The following ARHGEF7 variants were observed in gnomAD, a reference collection of about 807,000 sequenced individuals.
ARHGEF7 encodes the protein Rho guanine nucleotide exchange factor 7.
ARHGEF7 carries 33 observed loss-of-function variants against 109.8 expected under a neutral mutation model. That is an observed-to-expected ratio of 0.30 (90% confidence interval 0.23 to 0.40). The LOEUF (loss-of-function observed/expected upper bound fraction) is 0.40, where lower values mean the gene tolerates loss of function less well. Among genes scored for constraint, ARHGEF7 ranks in the 10% least tolerant of loss-of-function variants. The pLI is 1.00. For synonymous variants in ARHGEF7, 458 were observed against 424.6 expected, an observed-to-expected ratio of 1.08 and a Z score of -0.97; for missense variants, 938 against 1,098.5, an observed-to-expected ratio of 0.85 and a Z score of 2.07.
chr13:111,136,381 T>G (rs2075089611), intron 1 of ARHGEF7, among the ~76,000 whole-genome samples: 1 of 152,128 alleles, frequency 6.6e-6, no homozygotes, highest in Admixed American at 6.5e-5. Context: ...GAACAGAAAT[T>G]ATAACAAACT....
intron 19 of ARHGEF7, among the ~76,000 whole-genome samples, chr13:111,298,921 C>T (rs2093489662): frequency 6.6e-6 from 1 of 152,250 alleles, no homozygotes; most frequent in Non-Finnish European, 1.5e-5. Context: ...TTAAGTGCTA[C>T]ATTTGATCCT....
At chr13:111,241,573 G>A (rs2153541217) in intron 6 of ARHGEF7, among the ~76,000 whole-genome samples, 1 of 152,336 alleles carries the variant, frequency 6.6e-6, no homozygotes, top group South Asian at 2.1e-4. Context: ...TTTAACAAAT[G>A]TAGCTTTTTG....
At chr13:111,267,798 A>G (rs909010960) in intron 9 of ARHGEF7, 128 bp downstream of exon 9, 65 of 1,173,956 alleles carry the variant, frequency 5.5e-5, no homozygotes, top group Non-Finnish European at 7.3e-5. Context: ...TTACCCCTCA[A>G]AATTAGTGCT....
At position 111,221,466 on chromosome 13, in the gene ARHGEF7, C is replaced by T. The variant is rs181054197; in HGVS notation, c.670+3586C>T. ...ATATCTATATATATAGATATATAGA[C>T]ATCTATATATATAGATATATATAGA... On this transcript the variant is annotated intron_variant, in intron 5 of 21. Transcript: ENST00000646102. Among the ~76,000 whole-genome samples, 49 of 43,830 alleles carry T rather than the reference C, an allele frequency of 1.1e-3. 2 individuals are homozygous for T. Among genetic ancestry groups the T allele is most frequent in the East Asian group, 3.6e-3 (8 of 2,194 alleles). 28.8% of individuals were successfully genotyped at this position (43,830 alleles called of 152,430 possible).
In ARHGEF7 at chr13:111,165,067, G is replaced by A. The variant is rs565490309; in HGVS notation, c.252+11076G>A. Among the ~76,000 whole-genome samples the A allele has an allele frequency of 5.3e-5, 8 of 152,236 alleles. No homozygotes were observed. In the South Asian group the frequency reaches 1.5e-3, roughly 28 times the overall value. The stretch of plus-strand genomic sequence containing the variant: ...AGTCAGCTTGAACTTACCAATCAGA[G>A]AACATGTAGGGGTTGAGTGGAGGGG... On this transcript the variant is annotated intron_variant, in intron 2 of 21. Transcript: ENST00000646102.
At chr13:111,275,999 T>C (rs1422041399) in intron 12 of ARHGEF7, 1 of 305,350 alleles carries the variant, frequency 3.3e-6, no homozygotes, top group African/African-American at 2.1e-5. Context: ...TGTATGCGCT[T>C]ATCTGGCCAG....
chr13:111,300,835 T>C lies in ARHGEF7; in HGVS notation c.2399T>C (p.Val800Ala). ...GAAACTAAAAGTAATGGTCAGACAG[T>C]GATAGAAGAAAAGTAAGATGTCTTC... Reference protein sequence around the residue: ...VEETKSNGQTVIEEKSLVDTV... With the variant: ...VEETKSNGQTAIEEKSLVDTV... Residue 800 changes from valine (V) to alanine (A), a missense_variant, in exon 20 of 22, where the codon GTG becomes GCG. By Grantham distance (64) the Val-to-Ala change is moderately conservative (BLOSUM62 0). Around this residue, in one of 4 missense-constraint regions of ARHGEF7, gnomAD observed 166 missense variants for 167.3 expected, o/e 0.99. Transcript: ENST00000646102. The C allele has an allele frequency of 6.3e-7, 1 of 1,597,986 alleles. No individual in the cohort carries two copies. Among genetic ancestry groups the C allele is most frequent in the Non-Finnish European group, 8.6e-7 (1 of 1,168,884 alleles).
Position 111,300,807 on chromosome 13 carries a change from G to C in ARHGEF7, c.2371G>C (p.Glu791Gln), listed in dbSNP as rs2093547779. ...TCCAGAAGAAGAGAAAATTATAGTGGAAGAAACTAAAAGTAATGGTCAGAC... is the reference window on the plus strand; with the variant it reads ...TCCAGAAGAAGAGAAAATTATAGTGCAAGAAACTAAAAGTAATGGTCAGAC... ...LLPEEEKIIV[E>Q]ETKSNGQTVI... is the part of the protein sequence containing the mutation. The change falls in exon 20 of 22, where the codon GAA (glutamate) becomes CAA (glutamine). Residue 791 changes from glutamate (E) to glutamine (Q), a missense_variant. By Grantham distance (29) the Glu-to-Gln change is conservative. This residue lies in a region of ARHGEF7 where 166 missense variants were observed against 167.3 expected (regional missense o/e 0.99). Coordinates refer to ENST00000646102, the MANE Select transcript of ARHGEF7 (RefSeq NM_001354046.2). 6.2e-7 allele frequency: 1 copy of C among 1,611,178 alleles called. No homozygotes were observed. The highest frequency in any genetic ancestry group is 8.5e-7 in the Non-Finnish European group (1 of 1,178,538).
chr13:111,185,036 G>C (rs1427220617), intron 2 of ARHGEF7: 2 of 152,112 alleles, frequency 1.3e-5, no homozygotes, highest in Non-Finnish European at 1.5e-5. Flanking sequence ...AGAGACTGTT[G>C]TGTGGGCCTA....
chr13:111,260,181 G>C (rs2090932607), intron 8 of ARHGEF7, among the ~76,000 whole-genome samples: 1 of 152,182 alleles, frequency 6.6e-6, no homozygotes, highest in Non-Finnish European at 1.5e-5. Context: ...AGAGACATAG[G>C]GGTAGAAAGT....
chr13:111,262,154 C>T (rs990572082), intron 8 of ARHGEF7, among the ~76,000 whole-genome samples: 1 of 152,090 alleles, frequency 6.6e-6, no homozygotes, highest in African/African-American at 2.4e-5. Context: ...ATCGATGAAA[C>T]CAAAAGTGGC....
chr13:111,256,716 C>T (rs2090465288), intron 8 of ARHGEF7, among the ~76,000 whole-genome samples: 1 of 152,154 alleles, frequency 6.6e-6, no homozygotes, highest in Non-Finnish European at 1.5e-5. Context: ...CTTCCTTTTC[C>T]CCCACCTTGA....
chr13:111,205,177 C>T (rs952126274), intron 2 of ARHGEF7, 112 bp from the exon 3 acceptor site: 15 of 725,640 alleles, frequency 2.1e-5, no homozygotes, highest in South Asian at 3.9e-5. Context: ...GCAGGTTGTG[C>T]GGTCTCCTTA....
chr13:111,161,973 C>G lies in ARHGEF7; in HGVS notation c.252+7982C>G, dbSNP rs9583584. Among the ~76,000 whole-genome samples, 1,364 of 152,284 alleles carry G rather than the reference C, an allele frequency of 9.0e-3. 17 individuals are homozygous for G. The highest frequency in any genetic ancestry group is 0.03 in the African/African-American group (1,242 of 41,560). ...AGTTTCCACGGTTGTGAACAGTGGA[C>G]TGTGCAATGGACATTTCTGTACCAC... On this transcript the variant is annotated intron_variant, in intron 2 of 21. Transcript: ENST00000646102.
intron 6 of ARHGEF7, among the ~76,000 whole-genome samples, chr13:111,240,133 C>G (rs560917174): frequency 6.6e-6 from 1 of 152,146 alleles, no homozygotes; most frequent in African/African-American, 2.4e-5. Context: ...AGCTGGGAGC[C>G]CAGGTCCACG....
At chr13:111,290,529 G>C (rs532327280) in intron 18 of ARHGEF7, among the ~76,000 whole-genome samples, 1 of 152,140 alleles carries the variant, frequency 6.6e-6, no homozygotes, top group Non-Finnish European at 1.5e-5. Context: ...TCCCCTGTGG[G>C]TGAGGGCCGA....
intron 1 of ARHGEF7, among the ~76,000 whole-genome samples, chr13:111,127,909 C>T (rs1300414170): frequency 1.3e-5 from 2 of 152,072 alleles, no homozygotes; most frequent in African/African-American, 4.8e-5. Context: ...AAATAAAAAT[C>T]AATCAATACA....
At chr13:111,254,254 TTAAA>T (rs773420793) in intron 8 of ARHGEF7, among the ~76,000 whole-genome samples, 72 of 152,392 alleles carry the variant, frequency 4.7e-4, no homozygotes, top group Middle Eastern at 6.8e-3. Context: ...TGAACTGTTT[TTAAA>T]TAAATCGGTT....
chr13:111,250,632 C>T (rs1264931235), intron 8 of ARHGEF7, among the ~76,000 whole-genome samples: 8 of 152,092 alleles, frequency 5.3e-5, no homozygotes, highest in African/African-American at 1.2e-4. Flanking sequence ...CAGTTCTATT[C>T]GGACATTTGT....
Sources: allele counts gnomAD v4.1 joint callset (sites outside exome capture counted in the v4.1 genomes callset), GRCh38; gene constraint gnomAD v4.1.1; regional missense constraint gnomAD v4.1.1; transcripts MANE v1.5; gene names NCBI Gene and HGNC (gene_info 2026-07-23, HGNC 2026-07-21).